The following CALB2 variants were observed in gnomAD, a reference collection of about 807,000 sequenced individuals.
The protein encoded by CALB2 is calretinin.
Under a neutral mutation model 45.9 loss-of-function variants are expected in CALB2, and 34 were observed. The observed-to-expected ratio is 0.74, with a 90% CI of 0.56 to 0.99. The LOEUF is 0.99. CALB2 is among the 50% of genes least tolerant of loss of function. CALB2 has a pLI of 0.00. For missense variants in CALB2, 344 were observed against 339.3 expected (o/e 1.01, Z -0.11); for synonymous variants, 142 against 129.6 (o/e 1.10, Z -0.65).
At chr16:71,368,590 C>T (rs1014273468) in intron 1 of CALB2, among the ~76,000 whole-genome samples, 2 of 152,160 alleles carry the variant, frequency 1.3e-5, no homozygotes, top group Non-Finnish European at 2.9e-5. Context: ...AGGACACTTC[C>T]GTTCTGGTCC....
intron 1 of CALB2, among the ~76,000 whole-genome samples, chr16:71,361,264 C>A (rs1190774056): frequency 1.3e-5 from 2 of 152,156 alleles, no homozygotes; most frequent in Non-Finnish European, 2.9e-5. Flanking sequence ...GATTAAAATA[C>A]CAGAGATGAG....
chr16:71,386,748 A>G (rs1463266518), intron 10 of CALB2, among the ~76,000 whole-genome samples: 1 of 152,224 alleles, frequency 6.6e-6, no homozygotes, highest in East Asian at 1.9e-4. Flanking sequence ...CTTGGCTGAC[A>G]AGCAAGAGCT....
chr16:71,365,343 T>G (rs908174658), intron 1 of CALB2, among the ~76,000 whole-genome samples: 1 of 152,180 alleles, frequency 6.6e-6, no homozygotes, highest in African/African-American at 2.4e-5. Context: ...CTACACAGAC[T>G]GGTGCACTAG....
At chr16:71,372,765 A>G (rs2042367841) in intron 2 of CALB2, among the ~76,000 whole-genome samples, 1 of 152,222 alleles carries the variant, frequency 6.6e-6, no homozygotes, top group African/African-American at 2.4e-5. Flanking sequence ...GTGACCATCA[A>G]AAATGTCTCC....
intron 10 of CALB2, among the ~76,000 whole-genome samples, chr16:71,388,364 GAAAAAGA>G (rs1282020966): frequency 5.4e-5 from 8 of 148,428 alleles, no homozygotes; most frequent in African/African-American, 1.7e-4. Context: ...AAAAGAAAAA[GAAAAAGA>G]AAAAAGAAAA....
chr16:71,372,086 A>C lies in CALB2; in HGVS notation c.95-67A>C. 121 of 880,414 alleles carry C rather than the reference A, an allele frequency of 1.4e-4. 1 individual carries two copies. Among genetic ancestry groups the C allele is most frequent in the Non-Finnish European group, 1.7e-4 (96 of 549,394 alleles). The allele number at this position is 880,414 out of a possible 1,614,324, so 54.5% of individuals were successfully genotyped here. A position where few individuals can be genotyped will look rare whatever the true frequency, so the allele number is the denominator to read the frequency against. On this transcript the variant is annotated intron_variant, in intron 1 of 10. Coordinates refer to ENST00000302628, the MANE Select transcript of CALB2 (RefSeq NM_001740.5). Reference sequence around the variant, plus strand: ...GAAGACATTCTCCACGAAGCCCCCGACATGCCCACCCCGTGCCCCCCTTAC... The same window carrying C: ...GAAGACATTCTCCACGAAGCCCCCGCCATGCCCACCCCGTGCCCCCCTTAC...
chr16:71,362,997 C>T (rs1164365041), intron 1 of CALB2, among the ~76,000 whole-genome samples: 1 of 152,002 alleles, frequency 6.6e-6, no homozygotes, highest in East Asian at 1.9e-4. Context: ...TTGGGCAATA[C>T]AGTGAGACCC....
intron 2 of CALB2, 95 bp downstream of exon 2, chr16:71,372,324 A>G (rs1184354817): frequency 8.5e-6 from 7 of 822,656 alleles, no homozygotes; most frequent in Middle Eastern, 3.0e-4. Context: ...AGCAGGCCTC[A>G]TATCGCTGGT....
chr16:71,376,562 C>A (rs1293620063), intron 3 of CALB2, among the ~76,000 whole-genome samples: 2 of 152,146 alleles, frequency 1.3e-5, no homozygotes, highest in Non-Finnish European at 2.9e-5. Context: ...CACACACCCA[C>A]ATACATCTAC....
chr16:71,363,005 C>A (rs114661379), intron 1 of CALB2, among the ~76,000 whole-genome samples: 31 of 147,440 alleles, frequency 2.1e-4, no homozygotes, highest in African/African-American at 6.4e-4. Context: ...TACAGTGAGA[C>A]CCCCCCTCCC....
At chr16:71,371,436 T>A (rs925890265) in intron 1 of CALB2, among the ~76,000 whole-genome samples, 1 of 152,214 alleles carries the variant, frequency 6.6e-6, no homozygotes, top group African/African-American at 2.4e-5. Context: ...TTCTCTCACA[T>A]TTCTAGAGGC....
chr16:71,384,470 C>T, intron 8 of CALB2, 92 bp downstream of exon 8: 1 of 1,000,178 alleles, frequency 1.0e-6, no homozygotes, highest in Non-Finnish European at 1.6e-6. Flanking sequence ...ACACAACACA[C>T]TACACACACC....
intron 3 of CALB2, among the ~76,000 whole-genome samples, chr16:71,376,326 G>A (rs1030591357): frequency 6.6e-6 from 1 of 152,156 alleles, no homozygotes; most frequent in African/African-American, 2.4e-5. Flanking sequence ...TAACAGAAAG[G>A]CCAGGGTTAG....
chr16:71,383,948 G>A, intron 6 of CALB2, 22 bp from the exon 7 acceptor site: 4 of 1,613,716 alleles, frequency 2.5e-6, no homozygotes, highest in Non-Finnish European at 3.4e-6. Context: ...AAATAACCCA[G>A]GCACCTTTCT....
At chr16:71,379,437 T>C (rs2144985706) in intron 4 of CALB2, among the ~76,000 whole-genome samples, 1 of 152,294 alleles carries the variant, frequency 6.6e-6, no homozygotes, top group Admixed American at 6.5e-5. Flanking sequence ...AAATTGCTGA[T>C]ATTTAACGAT....
intron 7 of CALB2, 21 bp from the exon 8 acceptor site, chr16:71,384,318 G>A: frequency 6.2e-7 from 1 of 1,610,524 alleles, no homozygotes; most frequent in African/African-American, 1.3e-5. Flanking sequence ...CCTCATCTCT[G>A]CTCTAACATT....
intron 10 of CALB2, 140 bp from the exon 11 acceptor site, chr16:71,389,609 C>T (rs2145010764): frequency 1.3e-6 from 1 of 766,686 alleles, no homozygotes; most frequent in South Asian, 1.4e-5. Context: ...AAAATCCATG[C>T]TTTGCATTCA....
rs201261434 is a variant in CALB2 at position 71,382,754 on chromosome 16, C to T, written c.378C>T (p.Tyr126=). 461 of 1,612,044 alleles carry T rather than the reference C, an allele frequency of 2.9e-4. 7 individuals are homozygous for T. In the East Asian group the frequency reaches 0.01, roughly 36 times the overall value. Residue 126 remains tyrosine (Y), a synonymous_variant, in exon 5 of 11, where the codon TAC becomes TAT. Coordinates refer to ENST00000302628, the MANE Select transcript of CALB2 (RefSeq NM_001740.5). ...WRKYDTDRSG[Y]IEANELKGFL... is the part of the protein sequence containing the mutation. ...AGTACGACACAGACAGGAGTGGCTA[C>T]ATCGAAGCCAATGAGCTCAAGGTAG...
At chr16:71,359,525 C>T (rs890217259) in intron 1 of CALB2, among the ~76,000 whole-genome samples, 1 of 152,168 alleles carries the variant, frequency 6.6e-6, no homozygotes, top group Admixed American at 6.5e-5. Context: ...CCTGTTCCCT[C>T]ATAGTGATAA....
Sources: allele counts gnomAD v4.1 joint callset (sites outside exome capture counted in the v4.1 genomes callset), GRCh38; gene constraint gnomAD v4.1.1; transcripts MANE v1.5; gene names NCBI Gene and HGNC (gene_info 2026-07-23, HGNC 2026-07-21).